FBRSL1: variants seen among roughly 807,000 people sequenced by gnomAD.
FBRSL1 encodes fibrosin-1-like protein.
FBRSL1 carries 51 observed loss-of-function variants against 89.6 expected under a neutral mutation model. The observed-to-expected ratio is 0.57, with a 90% CI of 0.45 to 0.72. FBRSL1 has a LOEUF of 0.72. Ranked by LOEUF, FBRSL1 falls within the 30% of genes least tolerant of loss-of-function variation. The pLI is 0.00. For missense variants in FBRSL1, 1,618 were observed against 1,451.8 expected (o/e 1.11, Z -1.86); for synonymous variants, 779 against 681.1 (o/e 1.14, Z -2.24).
chr12:132,574,606 C>T (rs1054498669), intron 14 of FBRSL1, 42 bp downstream of exon 14: 1 of 1,537,180 alleles, frequency 6.5e-7, no homozygotes, highest in South Asian at 1.2e-5. Flanking sequence ...GTGAACCCGA[C>T]TCCAGCCTGG....
At chr12:132,548,426 G>A (rs1028821288) in intron 5 of FBRSL1, among the ~76,000 whole-genome samples, 2 of 152,174 alleles carry the variant, frequency 1.3e-5, no homozygotes, top group Non-Finnish European at 2.9e-5. Flanking sequence ...GCAGAGCCCA[G>A]CCCCCACCCT....
At chr12:132,577,402 G>T (rs955985644) in intron 15 of FBRSL1, among the ~76,000 whole-genome samples, 1 of 152,164 alleles carries the variant, frequency 6.6e-6, no homozygotes, top group Non-Finnish European at 1.5e-5. Context: ...TTGGCCTCTC[G>T]CTGAACAGTA....
At chr12:132,579,968 C>G (rs879268052) in intron 15 of FBRSL1, among the ~76,000 whole-genome samples, 1 of 152,198 alleles carries the variant, frequency 6.6e-6, no homozygotes, top group Non-Finnish European at 1.5e-5. Flanking sequence ...CCGTAGCTGT[C>G]GGTGTCCATC....
Position 132,583,465 on chromosome 12 carries a change from GC to G in FBRSL1, c.2697del (p.Glu901SerfsTer60). ...EPHGYSPERL[R>X]GELERARAPH... ...CACGGCTACAGCCCCGAGCGCCTGC[GC>G]GGGGAGCTGGAGCGCGCGCGGGCCC... On this transcript the variant is annotated frameshift_variant, in exon 19 of 19. Transcript: ENST00000680143. LOFTEE classifies it high-confidence loss of function. 1 of 1,058,736 alleles carries G rather than the reference GC, an allele frequency of 9.4e-7. No homozygotes were observed. The highest frequency in any genetic ancestry group is 1.1e-6 in the Non-Finnish European group (1 of 876,252). 65.6% of individuals were successfully genotyped at this position (1,058,736 alleles called of 1,614,324 possible). A position where few individuals can be genotyped will look rare whatever the true frequency, so the allele number is the denominator to read the frequency against.
rs376289243 is a variant in FBRSL1, at chr12:132,546,668, C to T, written c.616-1335C>T. On this transcript the variant is annotated intron_variant, in intron 4 of 18. Coordinates refer to ENST00000680143, the MANE Select transcript of FBRSL1 (RefSeq NM_001367871.1). This position sits in a 1 kb window ranked among gnomAD's most constrained non-coding sequence, Gnocchi z 4.0. The stretch of plus-strand genomic sequence containing the variant: ...AGACCAGGGGGGACCAGCACACAGC[C>T]GGGACAGACAGCCTGGGGGAGCCTG... Among the ~76,000 whole-genome samples, 8 of 152,304 alleles carry T rather than the reference C, an allele frequency of 5.3e-5. No homozygotes were observed. Among genetic ancestry groups the T allele is most frequent in the South Asian group, 2.1e-4 (1 of 4,830 alleles).
intron 5 of FBRSL1, among the ~76,000 whole-genome samples, chr12:132,566,889 G>A (rs1025363593): frequency 5.9e-5 from 9 of 151,730 alleles, no homozygotes; most frequent in Non-Finnish European, 7.4e-5. Context: ...CACATAGCGC[G>A]GTGTCCTGTG....
At chr12:132,527,652 G>GGGGCTGCT (rs1266422490) in intron 3 of FBRSL1, among the ~76,000 whole-genome samples, 1 of 147,606 alleles carries the variant, frequency 6.8e-6, no homozygotes, top group African/African-American at 2.5e-5. Context: ...GCGGGGCTGC[G>GGGGCTGCT]GGGCAGGGTT....
chr12:132,553,434 A>C (rs945637474), intron 5 of FBRSL1: 1 of 152,166 alleles, frequency 6.6e-6, no homozygotes, highest in Non-Finnish European at 1.5e-5. Context: ...CTTGTGTGGC[A>C]GGCTGCGGGG....
intron 4 of FBRSL1, among the ~76,000 whole-genome samples, chr12:132,530,100 T>G (rs1049352578): frequency 2.0e-5 from 3 of 151,644 alleles, no homozygotes; most frequent in Non-Finnish European, 2.9e-5. Context: ...ATGAGTATGA[T>G]GACACTCCTC....
chr12:132,550,199 A>G (rs868100418), intron 5 of FBRSL1, among the ~76,000 whole-genome samples: 1 of 92,306 alleles, frequency 1.1e-5, no homozygotes, highest in African/African-American at 8.8e-5. Flanking sequence ...TGAGGAGGAC[A>G]GCAGGGGAGG....
At chr12:132,536,086 A>ATGTG (rs2036706199) in intron 4 of FBRSL1, among the ~76,000 whole-genome samples, 1 of 125,424 alleles carries the variant, frequency 8.0e-6, no homozygotes, top group Non-Finnish European at 1.7e-5. Context: ...TTCTGTGTGT[A>ATGTG]CATGGTGTGT....
chr12:132,562,979 G>GCCACACCTGGCCCCCACAGCCTGCACC (rs1465882855), intron 5 of FBRSL1, among the ~76,000 whole-genome samples: 2 of 145,860 alleles, frequency 1.4e-5, no homozygotes, highest in African/African-American at 5.1e-5. Flanking sequence ...AAGGACCTAC[G>GCCACACCTGGCCCCCACAGCCTGCACC]CCACACCTGG....
Position 132,571,251 on chromosome 12 carries a change from C to T in FBRSL1, c.1377+20C>T, listed in dbSNP as rs1451128898. ...TGCCAGGTGACTATCCGCCTCGCCC[C>T]GCCGGGAGCCCGCGGCCAACGTGCC... On this transcript the variant is annotated intron_variant, in intron 9 of 18. Coordinates refer to ENST00000680143, the MANE Select transcript of FBRSL1 (RefSeq NM_001367871.1). The T allele has an allele frequency of 1.4e-6, 2 of 1,477,446 alleles. No individual in the cohort carries two copies. The highest frequency in any genetic ancestry group is 9.1e-7 in the Non-Finnish European group (1 of 1,103,738). 91.5% of individuals were successfully genotyped at this position (1,477,446 alleles called of 1,614,324 possible).
At position 132,543,810 on chromosome 12, in the gene FBRSL1, G is replaced by A. The variant is rs183590957; in HGVS notation, c.616-4193G>A. 6.6e-5 allele frequency among the ~76,000 whole-genome samples: 10 copies of A among 152,344 alleles called. No individual in the cohort carries two copies. In the East Asian group the frequency reaches 1.7e-3, roughly 26 times the overall value. On this transcript the variant is annotated intron_variant, in intron 4 of 18. Coordinates refer to ENST00000680143, the MANE Select transcript of FBRSL1 (RefSeq NM_001367871.1). ...TGGGGAAGCCACTCTCACGGAGGAC[G>A]AAACCGGTGCCTGTGCTTCCGAGCC...
At chr12:132,573,015 G>A (rs777809248) in intron 11 of FBRSL1, among the ~76,000 whole-genome samples, 19 of 152,184 alleles carry the variant, frequency 1.2e-4, no homozygotes, top group Non-Finnish European at 2.2e-4. Flanking sequence ...TTACGGGGCC[G>A]TCCACACCGT....
intron 2 of FBRSL1, chr12:132,511,866 T>C (rs2034381567): frequency 1.8e-6 from 1 of 540,876 alleles, no homozygotes; most frequent in African/African-American, 2.1e-5. Context: ...CCTCCGGTGC[T>C]CACCTGGGGC....
rs543010138 is a variant in FBRSL1, at chr12:132,508,141, G to A, written c.292-12G>A. The A allele has an allele frequency of 5.0e-5, 77 of 1,550,806 alleles. No homozygotes were observed. In the African/African-American group the frequency reaches 8.2e-4, roughly 17 times the overall value. On this transcript the variant is annotated splice_polypyrimidine_tract_variant and intron_variant, in intron 1 of 18. Coordinates refer to ENST00000680143, the MANE Select transcript of FBRSL1 (RefSeq NM_001367871.1). ...CCCGCCAATTAACTGGCGTTTCCCTGTCTCCCTGCAGAAGGATATGGCCCT... is the reference window on the plus strand; with the variant it reads ...CCCGCCAATTAACTGGCGTTTCCCTATCTCCCTGCAGAAGGATATGGCCCT...
chr12:132,511,276 A>G, intron 2 of FBRSL1: 1 of 984,804 alleles, frequency 1.0e-6, no homozygotes, highest in South Asian at 4.7e-5. Context: ...GGGGGACCCC[A>G]CAGGGTGGGC....
intron 4 of FBRSL1, among the ~76,000 whole-genome samples, chr12:132,542,245 G>A (rs1024849043): frequency 6.6e-6 from 1 of 152,210 alleles, no homozygotes; most frequent in African/African-American, 2.4e-5. Flanking sequence ...GGGTGGGCAC[G>A]CGAGGCTCAA....
Sources: allele counts gnomAD v4.1 joint callset (sites outside exome capture counted in the v4.1 genomes callset), GRCh38; gene constraint gnomAD v4.1.1; non-coding constraint Gnocchi (gnomAD v3.1); transcripts MANE v1.5; gene names NCBI Gene and HGNC (gene_info 2026-07-23, HGNC 2026-07-21).